The following USH2A variants were observed in gnomAD, a reference collection of about 807,000 sequenced individuals.
USH2A encodes Usher syndrome 2A (autosomal recessive, mild).
A neutral mutation model predicts 538.9 loss-of-function variants in USH2A; 443 were observed. The observed-to-expected ratio is 0.82, with a 90% CI of 0.76 to 0.89. The LOEUF is 0.89. Ranked by LOEUF, USH2A falls within the 40% of genes least tolerant of loss-of-function variation. The pLI is 0.00. For missense variants in USH2A, 6,633 were observed against 6,324.8 expected (o/e 1.05, Z -1.65); for synonymous variants, 2,413 against 2,273.5 (o/e 1.06, Z -1.75).
At chr1:215,817,546 C>T (rs912200224) in intron 47 of USH2A, among the ~76,000 whole-genome samples, 1 of 151,918 alleles carries the variant, frequency 6.6e-6, no homozygotes, top group Non-Finnish European at 1.5e-5. Context: ...TACTTCTAAC[C>T]TGCTTCTCCT....
chr1:216,259,089 C>T (rs1262226959), intron 11 of USH2A, among the ~76,000 whole-genome samples: 4 of 152,090 alleles, frequency 2.6e-5, no homozygotes, highest in Admixed American at 2.6e-4. Context: ...TCAACTGTTC[C>T]TGTTAAGCAG....
At chr1:215,966,403 G>C (rs1667349472) in intron 36 of USH2A, among the ~76,000 whole-genome samples, 1 of 152,146 alleles carries the variant, frequency 6.6e-6, no homozygotes, top group African/African-American at 2.4e-5. Context: ...TACTAAATAT[G>C]TGATAATTTC....
At chr1:215,913,376 G>T (rs936250010) in intron 38 of USH2A, among the ~76,000 whole-genome samples, 8 of 152,082 alleles carry the variant, frequency 5.3e-5, no homozygotes, top group African/African-American at 1.9e-4. Flanking sequence ...AATTTTGGTT[G>T]AAAGAAGAAA....
Position 215,674,746 on chromosome 1 carries a change from A to G in USH2A, c.13165T>C (p.Tyr4389His), listed in dbSNP as rs2102665721. The G allele has an allele frequency of 6.2e-7, 1 of 1,614,114 alleles. No individual in the cohort carries two copies. Among genetic ancestry groups the G allele is most frequent in the Non-Finnish European group, 8.5e-7 (1 of 1,180,030 alleles). Residue 4389 changes from tyrosine to histidine, a missense_variant, in exon 63 of 72, where the codon TAT (tyrosine) becomes CAT (histidine). Coordinates refer to ENST00000307340, the MANE Select transcript of USH2A (RefSeq NM_206933.4). ...PTVQNGKITK[Y>H]LVRYDNKESL... is the part of the protein sequence containing the mutation. ...TCTTTATTATCATATCTAACTAAAT[A>G]TTTAGTAATCTTTCCATTTTGCACT... is the stretch of plus-strand genomic sequence containing the variant.
intron 15 of USH2A, among the ~76,000 whole-genome samples, chr1:216,208,484 G>T (rs1572052300): frequency 6.6e-6 from 1 of 152,074 alleles, no homozygotes; most frequent in African/African-American, 2.4e-5. Flanking sequence ...GTCACTAGAA[G>T]CCTCAGTAAA....
At chr1:215,729,198 G>T (rs757092628) in intron 60 of USH2A, among the ~76,000 whole-genome samples, 1 of 152,050 alleles carries the variant, frequency 6.6e-6, no homozygotes, top group Non-Finnish European at 1.5e-5. Flanking sequence ...AAAAGCCCAG[G>T]TTGGCATACT....
In USH2A at chr1:215,670,999, T is replaced by C. The variant is rs769614234; in HGVS notation, c.14106A>G (p.Leu4702=). Residue 4702 remains leucine (L), a synonymous_variant, in exon 64 of 72, where the codon CTA becomes CTG. Coordinates refer to ENST00000307340, the MANE Select transcript of USH2A (RefSeq NM_206933.4). ...GSSTSFIDSE[L]LPFTEYEYQV... ...GATACTCATACTCTGTGAAAGGCAA[T>C]AGTTCGGAATCTATAAAAGATGTTG... 1.2e-6 allele frequency: 2 copies of C among 1,614,160 alleles called. No individual in the cohort carries two copies. The highest frequency in any genetic ancestry group is 2.7e-5 in the African/African-American group (2 of 75,052).
intron 4 of USH2A, among the ~76,000 whole-genome samples, chr1:216,331,410 T>C (rs1057451503): frequency 5.3e-5 from 8 of 152,026 alleles, no homozygotes; most frequent in African/African-American, 1.9e-4. Context: ...AATAGACAGG[T>C]GATGACTGGA....
chr1:215,854,089 T>C (rs1028034259), intron 44 of USH2A, among the ~76,000 whole-genome samples: 2 of 152,094 alleles, frequency 1.3e-5, no homozygotes, highest in Non-Finnish European at 2.9e-5. Flanking sequence ...ATACTGGAGA[T>C]TGGGCAATTT....
chr1:215,680,495 T>C, intron 61 of USH2A, 119 bp from the exon 62 acceptor site: 1 of 881,958 alleles, frequency 1.1e-6, no homozygotes, highest in Non-Finnish European at 1.8e-6. Flanking sequence ...GCGCAAACAC[T>C]ACAGCAGAGT....
intron 20 of USH2A, among the ~76,000 whole-genome samples, chr1:216,182,900 G>A (rs2034521750): frequency 6.6e-6 from 1 of 152,116 alleles, no homozygotes; most frequent in Non-Finnish European, 1.5e-5. Flanking sequence ...GTACCTGTTT[G>A]CAGATACTGA....
In USH2A at chr1:216,327,592, T is replaced by C. The variant is rs2102658767; in HGVS notation, c.847A>G (p.Arg283Gly). The part of the protein sequence containing the change: ...FRLYQVALTN[R>G]EILEVFSGDL... ...GTTTACAATGCAACATCTGCTTACC[T>C]GTTTGTAAGTGCCACTTGGTATAAT... The change falls in exon 5 of 72, where the codon AGA (arginine) becomes GGA (glycine). Residue 283 changes from arginine to glycine, a missense_variant and splice_region_variant. Physicochemically the swap from Arg to Gly is moderately radical, Grantham distance 125. Coordinates refer to ENST00000307340, the MANE Select transcript of USH2A (RefSeq NM_206933.4). 6.2e-7 allele frequency: 1 copy of C among 1,613,182 alleles called. No individual in the cohort carries two copies. Among genetic ancestry groups the C allele is most frequent in the Non-Finnish European group, 8.5e-7 (1 of 1,179,428 alleles).
intron 21 of USH2A, among the ~76,000 whole-genome samples, chr1:216,117,374 AT>A (rs2102591067): frequency 6.6e-6 from 1 of 152,344 alleles, no homozygotes; most frequent in Non-Finnish European, 1.5e-5. Flanking sequence ...ATATAATTAT[AT>A]AATCACTCTT....
chr1:215,634,848 G>T, intron 69 of USH2A, 145 bp from the exon 70 acceptor site: 1 of 1,373,594 alleles, frequency 7.3e-7, no homozygotes, highest in African/African-American at 1.4e-5. Flanking sequence ...CTTGTGTGCA[G>T]CCTGGGGTAA....
chr1:216,130,772 CAT>C (rs1217185376), intron 21 of USH2A, among the ~76,000 whole-genome samples: 11 of 150,880 alleles, frequency 7.3e-5, no homozygotes, highest in African/African-American at 2.7e-4. Context: ...CCGCTATAAA[CAT>C]GTGTGTGCAA....
intron 32 of USH2A, among the ~76,000 whole-genome samples, chr1:216,025,589 T>C (rs1193587538): frequency 6.6e-6 from 1 of 152,106 alleles, no homozygotes; most frequent in Non-Finnish European, 1.5e-5. Context: ...CTTCAATTTT[T>C]ATGAAATGTT....
At chr1:215,961,839 A>G (rs1279813550) in intron 37 of USH2A, among the ~76,000 whole-genome samples, 1 of 151,914 alleles carries the variant, frequency 6.6e-6, no homozygotes, top group Non-Finnish European at 1.5e-5. Flanking sequence ...CATACATGAC[A>G]TATTATATCA....
intron 41 of USH2A, among the ~76,000 whole-genome samples, chr1:215,883,006 A>G (rs17025548): frequency 0.15 from 22,753 of 152,136 alleles, 1,765 homozygotes; most frequent in South Asian, 0.25. Flanking sequence ...AGTTGGGGAA[A>G]TTCACTTTAT....
At chr1:216,400,330 A>G (rs1294827219) in intron 3 of USH2A, among the ~76,000 whole-genome samples, 1 of 151,736 alleles carries the variant, frequency 6.6e-6, no homozygotes, top group African/African-American at 2.4e-5. Flanking sequence ...CAGGAAGATG[A>G]CAGGATTCCT....
Sources: allele counts gnomAD v4.1 joint callset (sites outside exome capture counted in the v4.1 genomes callset), GRCh38; gene constraint gnomAD v4.1.1; transcripts MANE v1.5; gene names NCBI Gene and HGNC (gene_info 2026-07-23, HGNC 2026-07-21).